The following PTPRT variants were observed in gnomAD, a reference collection of about 807,000 sequenced individuals.
The protein encoded by PTPRT is protein tyrosine phosphatase receptor type T, also known as receptor-type tyrosine-protein phosphatase T.
A neutral mutation model predicts 176.8 loss-of-function variants in PTPRT; 56 were observed. The ratio of observed to expected loss-of-function variants is 0.32; its 90% CI spans 0.26 to 0.40. The LOEUF is 0.40. PTPRT is among the 10% of genes least tolerant of loss of function. The pLI, the probability that PTPRT is intolerant of heterozygous loss-of-function variation, is 1.00. For missense variants in PTPRT, 1,540 were observed against 1,908.2 expected, an observed-to-expected ratio of 0.81 and a Z score of 3.60; for synonymous variants, 783 against 739.0, an observed-to-expected ratio of 1.06 and a Z score of -0.96.
chr20:42,548,323 T>C (rs1163003360), intron 7 of PTPRT, among the ~76,000 whole-genome samples: 1 of 151,996 alleles, frequency 6.6e-6, no homozygotes, highest in South Asian at 2.1e-4. Context: ...GGCACAGTAA[T>C]AGTGGAATTG....
intron 1 of PTPRT, among the ~76,000 whole-genome samples, chr20:42,991,332 A>G (rs981426669): frequency 2.6e-5 from 4 of 152,198 alleles, no homozygotes; most frequent in Admixed American, 1.3e-4. Flanking sequence ...TCCACAATAC[A>G]TACATTATCT....
chr20:42,645,030 A>G (rs1040386657), intron 7 of PTPRT, among the ~76,000 whole-genome samples: 2 of 152,170 alleles, frequency 1.3e-5, no homozygotes, highest in African/African-American at 4.8e-5. Flanking sequence ...TCTCACCCCA[A>G]GTTAGTAAGT....
At chr20:43,173,800 A>C (rs2015061748) in intron 1 of PTPRT, among the ~76,000 whole-genome samples, 1 of 152,196 alleles carries the variant, frequency 6.6e-6, no homozygotes, top group South Asian at 2.1e-4. Flanking sequence ...GTTGAGACTC[A>C]CTTGTTGGGG....
chr20:43,017,753 T>C (rs139871774), intron 1 of PTPRT, among the ~76,000 whole-genome samples: 1 of 152,306 alleles, frequency 6.6e-6, no homozygotes, highest in East Asian at 1.9e-4. Context: ...CTGTGAAGCC[T>C]ATCTTGAGCA....
chr20:42,131,995 C>T (rs1436847622), intron 18 of PTPRT, among the ~76,000 whole-genome samples: 1 of 152,096 alleles, frequency 6.6e-6, no homozygotes, highest in Non-Finnish European at 1.5e-5. Context: ...GGAGGGGAGA[C>T]AGAGGAGGCA....
intron 2 of PTPRT, among the ~76,000 whole-genome samples, chr20:42,792,720 T>A (rs1224222246): frequency 8.5e-5 from 13 of 152,280 alleles, no homozygotes; most frequent in East Asian, 1.9e-4. Flanking sequence ...GTTGAGCTAC[T>A]TCAATAGCTA....
intron 6 of PTPRT, among the ~76,000 whole-genome samples, chr20:42,689,270 CAGAGAAAGACAGA>C (rs2075752325): frequency 6.6e-6 from 1 of 152,172 alleles, no homozygotes; most frequent in Non-Finnish European, 1.5e-5. Context: ...AACAATGTGG[CAGAGAAAGACAGA>C]AGAGAAAGGA....
chr20:42,915,274 G>C (rs1978663005), intron 1 of PTPRT, among the ~76,000 whole-genome samples: 1 of 152,194 alleles, frequency 6.6e-6, no homozygotes, highest in Admixed American at 6.5e-5. Flanking sequence ...GCACGGCTTA[G>C]AGAACCCCAC....
At position 42,199,309 on chromosome 20, in the gene PTPRT, T is replaced by C; in HGVS notation, c.2422A>G (p.Thr808Ala). 6.2e-7 allele frequency: 1 copy of C among 1,614,162 alleles called. No homozygotes were observed. Among genetic ancestry groups the C allele is most frequent in the South Asian group, 1.1e-5 (1 of 91,078 alleles). Residue 808 changes from threonine (T) to alanine (A), a missense_variant, in exon 16 of 31, where the codon ACC becomes GCC. By Grantham distance (58) the Thr-to-Ala change is moderately conservative (BLOSUM62 0). Transcript: ENST00000373187. ...MGPVASADKPTTKLSASRNDE... is the reference protein window; with the variant it reads ...MGPVASADKPATKLSASRNDE... ...TTGCGGCTGGCGCTGAGCTTGGTGG[T>C]GGGTTTGTCGGCAGAGGCCACAGGC...
the PTPRT span, among the ~76,000 whole-genome samples, chr20:42,054,685 C>T: frequency 6.6e-6 from 1 of 152,168 alleles, no homozygotes; most frequent in Non-Finnish European, 1.5e-5. Flanking sequence ...CATTCCAGCT[C>T]CCCAGTTCCA....
intron 9 of PTPRT, among the ~76,000 whole-genome samples, chr20:42,358,783 G>GT (rs1287101702): frequency 1.3e-5 from 2 of 152,154 alleles, no homozygotes; most frequent in Non-Finnish European, 2.9e-5. Context: ...GCTTTTCTTG[G>GT]TGCCCAGTCA....
intron 2 of PTPRT, among the ~76,000 whole-genome samples, chr20:42,875,262 A>G (rs893223113): frequency 7.9e-5 from 12 of 152,214 alleles, no homozygotes; most frequent in African/African-American, 2.7e-4. Context: ...TTGTTAGGAC[A>G]TTGTTAGGAA....
Position 42,839,804 on chromosome 20 carries a change from A to G in PTPRT, c.214+46003T>C, listed in dbSNP as rs1376076117. 2.0e-5 allele frequency among the ~76,000 whole-genome samples: 3 copies of G among 152,112 alleles called. No homozygotes were observed. In the East Asian group the frequency reaches 5.8e-4, roughly 29 times the overall value. On this transcript the variant is annotated intron_variant, in intron 2 of 30. Coordinates refer to ENST00000373187, the MANE Select transcript of PTPRT (RefSeq NM_007050.6). ...TGGTACTCTAGGTTGTGGTTTGCAA[A>G]TTTGTTTTTAAATCACCTGAAGAGC... is the stretch of plus-strand genomic sequence containing the variant.
intron 1 of PTPRT, among the ~76,000 whole-genome samples, chr20:43,158,394 A>G (rs2146435303): frequency 6.6e-6 from 1 of 152,342 alleles, no homozygotes; most frequent in African/African-American, 2.4e-5. Flanking sequence ...GCAGTTAAAT[A>G]TTGGAGGCAA....
intron 1 of PTPRT, among the ~76,000 whole-genome samples, chr20:43,108,183 T>C (rs1290664192): frequency 6.6e-6 from 1 of 152,238 alleles, no homozygotes; most frequent in Non-Finnish European, 1.5e-5. Context: ...GCTCCAGGCA[T>C]ACCTCTTAAC....
chr20:42,054,583 G>C, the PTPRT span, among the ~76,000 whole-genome samples: 1 of 152,274 alleles, frequency 6.6e-6, no homozygotes, highest in East Asian at 1.9e-4. Flanking sequence ...AGGTGTGCTT[G>C]GGTAGAGGTA....
rs73618864 is a variant in PTPRT, at chr20:42,808,639, G to A, written c.215-17173C>T. Among the ~76,000 whole-genome samples, 535 of 152,268 alleles carry A rather than the reference G, an allele frequency of 3.5e-3. 2 individuals carry two copies. Among genetic ancestry groups the A allele is most frequent in the East Asian group, 0.035 (181 of 5,180 alleles). ...AATAAAATATTCATTTCACCGAGAT[G>A]AGTTGTCTTTGTCAAGGTTCCCTCT... On this transcript the variant is annotated intron_variant, in intron 2 of 30. Transcript: ENST00000373187.
chr20:42,332,949 G>A (rs954975625), intron 11 of PTPRT, among the ~76,000 whole-genome samples: 3 of 152,162 alleles, frequency 2.0e-5, no homozygotes, highest in African/African-American at 7.2e-5. Context: ...GTAAGGCAAA[G>A]AATGCACTCA....
intron 2 of PTPRT, among the ~76,000 whole-genome samples, chr20:42,791,791 C>A (rs2077380325): frequency 6.6e-6 from 1 of 152,236 alleles, no homozygotes; most frequent in African/African-American, 2.4e-5. Flanking sequence ...CATCTCCAAG[C>A]ATTCAAAAAG....
Sources: allele counts gnomAD v4.1 joint callset (sites outside exome capture counted in the v4.1 genomes callset), GRCh38; gene constraint gnomAD v4.1.1; transcripts MANE v1.5; gene names NCBI Gene and HGNC (gene_info 2026-07-23, HGNC 2026-07-21).